Variants in DENND2A observed in about 807,000 individuals in gnomAD.
The protein encoded by DENND2A is DENN domain containing 2A.
Under a neutral mutation model 105.3 loss-of-function variants are expected in DENND2A, and 53 were observed. That is an observed-to-expected ratio of 0.50 (90% CI 0.40 to 0.63). The LOEUF is 0.63. DENND2A is among the 30% of genes least tolerant of loss of function. The probability of loss-of-function intolerance (pLI) is 0.00; values close to 1 mark genes in which losing one functional copy is unlikely to be tolerated. For missense variants in DENND2A, 1,138 were observed against 1,279.6 expected, an observed-to-expected ratio of 0.89 and a Z score of 1.69; for synonymous variants, 522 against 508.4, an observed-to-expected ratio of 1.03 and a Z score of -0.36.
rs1456919407 is a variant in DENND2A, at chr7:140,587,726, C to T, written c.1050G>A (p.Val350=). 1.9e-6 allele frequency: 3 copies of T among 1,612,048 alleles called. No individual in the cohort carries two copies. The Admixed American group carries it at 5.0e-5, about 27-fold the overall frequency. Residue 350 remains valine, a synonymous_variant, in exon 4 of 20, where the codon GTG becomes GTA. Transcript: ENST00000496613. ...CCAGCTTAGTCTGCGCGTACCAGTC[C>T]ACCCTGCTGCTCTCAGAGGAAGACT... ...LLQSSSESSR[V]DWYAQTKLGL...
intron 14 of DENND2A, among the ~76,000 whole-genome samples, chr7:140,530,523 A>G (rs1278746744): frequency 6.6e-6 from 1 of 151,980 alleles, no homozygotes; most frequent in Non-Finnish European, 1.5e-5. Flanking sequence ...TTTCTTTCAA[A>G]TGATCACCCC....
At chr7:140,589,479 C>T (rs898298558) in intron 3 of DENND2A, among the ~76,000 whole-genome samples, 1 of 152,164 alleles carries the variant, frequency 6.6e-6, no homozygotes, top group African/African-American at 2.4e-5. Flanking sequence ...GGAAGCCAGG[C>T]AGTTTCTCCC....
In DENND2A at chr7:140,527,833, T is replaced by TTTAG. The variant is rs1375678922; in HGVS notation, c.2328-339_2328-338insCTAA. On this transcript the variant is annotated intron_variant, in intron 14 of 19. Transcript: ENST00000496613. The surrounding 1 kb of genome is among the most constrained non-coding windows in gnomAD (Gnocchi z 4.9). ...TTTTTATTTATTATTTATTTATTTATTTATATTTTTAATTTTTTTGAGACG... is the reference window on the plus strand; with the variant it reads ...TTTTTATTTATTATTTATTTATTTATTTAGTTATATTTTTAATTTTTTTGAGACG... Among the ~76,000 whole-genome samples the TTTAG allele has an allele frequency of 6.6e-6, 1 of 151,994 alleles. No individual in the cohort carries two copies. The highest frequency in any genetic ancestry group is 1.5e-5 in the Non-Finnish European group (1 of 68,008).
chr7:140,577,451 G>T (rs1798348841), intron 5 of DENND2A, among the ~76,000 whole-genome samples: 1 of 150,406 alleles, frequency 6.6e-6, no homozygotes, highest in South Asian at 2.1e-4. Context: ...AGGCTGGAGT[G>T]CAGTGGCACA....
chr7:140,534,232 G>A (rs568629672), intron 14 of DENND2A, among the ~76,000 whole-genome samples: 2 of 151,954 alleles, frequency 1.3e-5, no homozygotes, highest in South Asian at 2.1e-4. Flanking sequence ...TTACAGGCAC[G>A]TGCCACCACG....
At chr7:140,549,993 ATAT>A (rs1053834895) in intron 12 of DENND2A, among the ~76,000 whole-genome samples, 6 of 152,288 alleles carry the variant, frequency 3.9e-5, no homozygotes, top group Non-Finnish European at 4.4e-5. Context: ...AACCCTGAAA[ATAT>A]TATGCTAAGT....
At chr7:140,629,998 C>T (rs1464305080) in intron 1 of DENND2A, among the ~76,000 whole-genome samples, 1 of 151,808 alleles carries the variant, frequency 6.6e-6, no homozygotes, top group Non-Finnish European at 1.5e-5. Flanking sequence ...GCTGGGATTA[C>T]AACAGGTGCC....
At chr7:140,549,391 G>A (rs1429060298) in intron 12 of DENND2A, among the ~76,000 whole-genome samples, 1 of 152,102 alleles carries the variant, frequency 6.6e-6, no homozygotes, top group East Asian at 1.9e-4. Flanking sequence ...CCAAGTAGCT[G>A]GGATTACAGG....
intron 1 of DENND2A, among the ~76,000 whole-genome samples, chr7:140,624,808 C>G (rs1022921273): frequency 7.6e-6 from 1 of 131,790 alleles, no homozygotes; most frequent in Non-Finnish European, 1.6e-5. Context: ...GAGAAATGTT[C>G]TTTGTTATTA....
At chr7:140,574,180 C>T (rs1798208410) in intron 5 of DENND2A, among the ~76,000 whole-genome samples, 172 bp from the exon 6 acceptor site, 1 of 152,050 alleles carries the variant, frequency 6.6e-6, no homozygotes, top group Non-Finnish European at 1.5e-5. Flanking sequence ...ACATATCATC[C>T]AATTACCAAA....
chr7:140,545,709 C>CT (rs1350057133), intron 13 of DENND2A, among the ~76,000 whole-genome samples: 1 of 152,140 alleles, frequency 6.6e-6, no homozygotes, highest in African/African-American at 2.4e-5. Flanking sequence ...TGAAATGTTC[C>CT]TGAATTCCCT....
intron 1 of DENND2A, among the ~76,000 whole-genome samples, chr7:140,618,809 T>G (rs576628545): frequency 5.3e-5 from 8 of 152,118 alleles, no homozygotes; most frequent in Non-Finnish European, 1.2e-4. Flanking sequence ...TTCCTTTTTT[T>G]TTTTCTTTTT....
intron 1 of DENND2A, among the ~76,000 whole-genome samples, chr7:140,615,577 G>A (rs957431237): frequency 2.0e-5 from 3 of 147,378 alleles, no homozygotes; most frequent in Non-Finnish European, 4.5e-5. Context: ...TCGCTCTGTC[G>A]CCCAGGCCAG....
chr7:140,550,681 T>C (rs1554465453), intron 12 of DENND2A, among the ~76,000 whole-genome samples: 1 of 151,724 alleles, frequency 6.6e-6, no homozygotes, highest in Non-Finnish European at 1.5e-5. Context: ...AGGCTGGTCT[T>C]GAACTAATGA....
intron 1 of DENND2A, among the ~76,000 whole-genome samples, chr7:140,616,401 A>T (rs62485842): frequency 0.048 from 7,323 of 152,230 alleles, 243 homozygotes; most frequent in Non-Finnish European, 0.073. Flanking sequence ...ACAGAGACAG[A>T]AAGTAGATTA....
intron 3 of DENND2A, among the ~76,000 whole-genome samples, chr7:140,589,141 C>T (rs767121854): frequency 3.9e-5 from 6 of 152,084 alleles, no homozygotes; most frequent in Non-Finnish European, 7.3e-5. Flanking sequence ...AGGGTCTGAC[C>T]GCAGGAAGTC....
Position 140,567,119 on chromosome 7 carries a change from G to A in DENND2A, c.1746C>T (p.Tyr582=), listed in dbSNP as rs561524063. The change falls in exon 9 of 20, where the codon TAC becomes TAT. Residue 582 remains tyrosine, a synonymous_variant. Transcript: ENST00000496613. ...GGAACTGTTGGGTGAGTTCTGGCAC[G>A]TAGGCAGCCCCGGCCTGCTTCTTGT... is the stretch of plus-strand genomic sequence containing the variant. The part of the protein sequence containing the change: ...SLHKKQAGAA[Y]VPELTQQFPL... 6.9e-5 allele frequency: 111 copies of A among 1,605,550 alleles called. No individual in the cohort carries two copies. The highest frequency in any genetic ancestry group is 8.3e-5 in the Non-Finnish European group (98 of 1,175,924).
chr7:140,519,519 C>A, intron 19 of DENND2A, 113 bp downstream of exon 19: 1 of 861,026 alleles, frequency 1.2e-6, no homozygotes, highest in South Asian at 1.5e-5. Context: ...CAGCGCAGGC[C>A]GTAGAGCTCT....
At chr7:140,557,529 ATATTTTTTTTTT>A (rs1201788499) in intron 11 of DENND2A, among the ~76,000 whole-genome samples, 25 of 32,920 alleles carry the variant, frequency 7.6e-4, no homozygotes, top group African/African-American at 1.8e-3. Context: ...ATATATATAT[ATATTTTTTTTTT>A]TTTTTTTTTT....
Sources: allele counts gnomAD v4.1 joint callset (sites outside exome capture counted in the v4.1 genomes callset), GRCh38; gene constraint gnomAD v4.1.1; non-coding constraint Gnocchi (gnomAD v3.1); transcripts MANE v1.5; gene names NCBI Gene and HGNC (gene_info 2026-07-23, HGNC 2026-07-21).